The following CAPN5 variants were observed in gnomAD, a reference collection of about 807,000 sequenced individuals.
CAPN5 encodes calpain 5.
Under a neutral mutation model 73.0 loss-of-function variants are expected in CAPN5, and 54 were observed. That is an observed-to-expected ratio of 0.74 (90% CI 0.59 to 0.93). The LOEUF is 0.93. Among genes scored for constraint, CAPN5 ranks in the 40% least tolerant of loss-of-function variants. The pLI, the probability that CAPN5 is intolerant of heterozygous loss-of-function variation, is 0.00. For missense variants in CAPN5, 785 were observed against 882.9 expected, an observed-to-expected ratio of 0.89 and a Z score of 1.41; for synonymous variants, 335 against 356.9, an observed-to-expected ratio of 0.94 and a Z score of 0.69.
In CAPN5 at chr11:77,126,038, G is replaced by C. The variant is rs962142490; in HGVS notation, c.*2168G>C. ...GCCTGGGAGTCCCCATTTGCAGGTG[G>C]GTAGGGCCTCCAGCCCACACCACCC... On this transcript the variant is annotated 3_prime_UTR_variant, in exon 13 of 13. Coordinates refer to ENST00000648180, the MANE Select transcript of CAPN5 (RefSeq NM_004055.5). 1 of 152,214 alleles carries C rather than the reference G, an allele frequency of 6.6e-6. No homozygotes were observed. Among genetic ancestry groups the C allele is most frequent in the Non-Finnish European group, 1.5e-5 (1 of 68,054 alleles). The allele number at this position is 152,214 out of a possible 1,614,324, so 9.4% of individuals were successfully genotyped here.
intron 1 of CAPN5, among the ~76,000 whole-genome samples, chr11:77,067,734 C>T (rs1555032369): frequency 6.6e-6 from 1 of 150,818 alleles, no homozygotes; most frequent in East Asian, 2.0e-4. Context: ...CTCAGAGTTC[C>T]CACCTCTGTT....
At chr11:77,094,682 C>T (rs1192047783) in intron 3 of CAPN5, among the ~76,000 whole-genome samples, 1 of 152,220 alleles carries the variant, frequency 6.6e-6, no homozygotes, top group Non-Finnish European at 1.5e-5. Flanking sequence ...CAGTGAGCCT[C>T]AGCACTTGGT....
Position 77,088,141 on chromosome 11 carries a change from T to C in CAPN5, c.165+3090T>C. 3.6e-6 allele frequency: 5 copies of C among 1,387,522 alleles called. No homozygotes were observed. The South Asian group carries it at 7.3e-5, about 20-fold the overall frequency. The allele number at this position is 1,387,522 out of a possible 1,614,324, so 86.0% of individuals were successfully genotyped here. On this transcript the variant is annotated intron_variant, in intron 2 of 12. Transcript: ENST00000648180. ...TCTCTCCCACATCTGGGTATGAGCC[T>C]GGAGGTCCTTTGGTGGAATGCACAG... is the stretch of plus-strand genomic sequence containing the variant.
chr11:77,068,928 G>A (rs1203230669), intron 1 of CAPN5, among the ~76,000 whole-genome samples: 1 of 152,122 alleles, frequency 6.6e-6, no homozygotes, highest in African/African-American at 2.4e-5. Context: ...AGATGCCTGT[G>A]GGTTTTTGTG....
At chr11:77,103,535 C>T (rs1357696455) in intron 3 of CAPN5, among the ~76,000 whole-genome samples, 1 of 152,206 alleles carries the variant, frequency 6.6e-6, no homozygotes, top group African/African-American at 2.4e-5. Flanking sequence ...GATTCTGAGG[C>T]TCCATAGCCT....
At chr11:77,108,131 T>C (rs1158937472) in intron 3 of CAPN5, among the ~76,000 whole-genome samples, 1 of 152,218 alleles carries the variant, frequency 6.6e-6, no homozygotes, top group Non-Finnish European at 1.5e-5. Context: ...CGGTCAAGGC[T>C]GCCCTGTGAC....
In CAPN5 at chr11:77,123,856, C is replaced by T. The variant is rs782053145; in HGVS notation, c.1909C>T (p.Leu637Phe). The change falls in exon 13 of 13, where the codon CTC becomes TTC. Residue 637 changes from leucine to phenylalanine, a missense_variant. Physicochemically the swap from Leu to Phe is conservative, Grantham distance 22 (BLOSUM62 0). Transcript: ENST00000648180. Reference protein sequence around the residue: ...VAVHILSSTSLMAV With the variant: ...VAVHILSSTSFMAV ...CGTGCACATTCTCAGCAGCACCTCC[C>T]TCATGGCTGTCTGACACCTGCCCAC... 6.2e-7 allele frequency: 1 copy of T among 1,613,298 alleles called. No individual in the cohort carries two copies.
chr11:77,118,474 CCTGT>C (rs1565278641), intron 8 of CAPN5, 122 bp downstream of exon 8: 1 of 804,728 alleles, frequency 1.2e-6, no homozygotes, highest in African/African-American at 1.7e-5. Flanking sequence ...CCTCAGCAAA[CCTGT>C]CTGTACAGTG....
At chr11:77,110,457 G>A (rs191495000) in intron 3 of CAPN5, among the ~76,000 whole-genome samples, 1 of 152,008 alleles carries the variant, frequency 6.6e-6, no homozygotes, top group Non-Finnish European at 1.5e-5. Flanking sequence ...ACAGAAAAGT[G>A]GGGGTGAGGA....
intron 9 of CAPN5, 27 bp from the exon 10 acceptor site, chr11:77,120,686 T>C: frequency 1.3e-6 from 2 of 1,566,194 alleles, no homozygotes; most frequent in Non-Finnish European, 1.7e-6. Context: ...TGTCTCCGCG[T>C]GGCCCAGCCC....
chr11:77,099,536 C>T (rs1355638414), intron 3 of CAPN5, among the ~76,000 whole-genome samples: 3 of 151,134 alleles, frequency 2.0e-5, no homozygotes, highest in East Asian at 2.0e-4. Flanking sequence ...GAGACCGGCC[C>T]GGCCAACACA....
intron 3 of CAPN5, among the ~76,000 whole-genome samples, chr11:77,104,858 G>A (rs566316388): frequency 8.5e-5 from 13 of 152,224 alleles, no homozygotes; most frequent in African/African-American, 1.2e-4. Context: ...CTGCCGGGAG[G>A]GTGAGCCCCA....
intron 2 of CAPN5, 99 bp from the exon 3 acceptor site, chr11:77,093,583 A>AGTCC (rs781977507): frequency 9.7e-6 from 14 of 1,438,674 alleles, no homozygotes; most frequent in Admixed American, 4.1e-5. Context: ...TCACACAGCA[A>AGTCC]GTCTGTGTCT....
chr11:77,122,071 C>T (rs782553221), intron 11 of CAPN5, 22 bp downstream of exon 11: 6 of 1,400,072 alleles, frequency 4.3e-6, no homozygotes, highest in Non-Finnish European at 5.8e-6. Context: ...CAGGGAGAGT[C>T]CCCCGGCCCT....
At chr11:77,117,191 G>A (rs1485141831) in intron 7 of CAPN5, among the ~76,000 whole-genome samples, 5 of 152,214 alleles carry the variant, frequency 3.3e-5, no homozygotes, top group East Asian at 1.9e-4. Flanking sequence ...AGCCATGATC[G>A]CACCACTGCA....
At chr11:77,073,044 T>G (rs564247043) in intron 1 of CAPN5, 7 of 1,284,168 alleles carry the variant, frequency 5.5e-6, no homozygotes, top group Non-Finnish European at 6.1e-6. Context: ...CCACCCCGGG[T>G]GAGAGAGAAT....
chr11:77,114,883 C>T (rs1319476635), intron 5 of CAPN5, among the ~76,000 whole-genome samples: 1 of 106,766 alleles, frequency 9.4e-6, no homozygotes, highest in Non-Finnish European at 2.3e-5. Flanking sequence ...TCCAACTACC[C>T]ACATTTAACA....
At chr11:77,093,847 G>A in intron 3 of CAPN5, 34 bp downstream of exon 3, 1 of 1,601,012 alleles carries the variant, frequency 6.2e-7, no homozygotes, top group Non-Finnish European at 8.5e-7. Context: ...AGGGTGCTGG[G>A]GAGTGTGAAC....
intron 5 of CAPN5, among the ~76,000 whole-genome samples, 160 bp from the exon 6 acceptor site, chr11:77,115,235 A>G (rs1380410990): frequency 2.0e-5 from 3 of 152,132 alleles, no homozygotes; most frequent in South Asian, 2.1e-4. Flanking sequence ...ACTGCTGCCC[A>G]TGGGGGTTTT....
Sources: gnomAD v4.1 joint callset for allele counts (sites outside exome capture counted in the v4.1 genomes callset) on GRCh38, gnomAD v4.1.1 for gene constraint, MANE v1.5 for transcripts, NCBI Gene and HGNC (gene_info 2026-07-23, HGNC 2026-07-21) for gene names.